Variants in TDRD7 observed in about 807,000 individuals in gnomAD.
TDRD7 encodes the protein tudor domain containing 7.
TDRD7 carries 47 observed loss-of-function variants against 109.8 expected under a neutral mutation model. The observed-to-expected ratio is 0.43, with a 90% CI of 0.34 to 0.55. The LOEUF is 0.55. Ranked by LOEUF, TDRD7 falls within the 20% of genes least tolerant of loss-of-function variation. The probability of loss-of-function intolerance (pLI) is 0.03; values close to 1 mark genes in which losing one functional copy is unlikely to be tolerated. For synonymous variants in TDRD7, 424 were observed against 457.3 expected (o/e 0.93, Z 0.93); for missense variants, 1,164 against 1,319.2 (o/e 0.88, Z 1.82).
At position 97,460,061 on chromosome 9, in the gene TDRD7, C is replaced by A. The variant is rs115129626; in HGVS notation, c.856-117C>A. On this transcript the variant is annotated intron_variant, in intron 6 of 16. Coordinates refer to ENST00000355295, the MANE Select transcript of TDRD7 (RefSeq NM_014290.3). Reference sequence around the variant, plus strand: ...GTCCTAGCAATTGAAAAGAGTAAATCGTACACTTGATTAATTTGGAAACAG... The same window carrying A: ...GTCCTAGCAATTGAAAAGAGTAAATAGTACACTTGATTAATTTGGAAACAG... 544 of 871,648 alleles carry A rather than the reference C, an allele frequency of 6.2e-4. 4 individuals carry two copies. In the African/African-American group the frequency reaches 7.9e-3, roughly 13 times the overall value. 54.0% of individuals were successfully genotyped at this position (871,648 alleles called of 1,614,324 possible).
Position 97,472,474 on chromosome 9 carries a change from G to A in TDRD7, c.1923G>A (p.Lys641=), listed in dbSNP as rs41281938. The A allele has an allele frequency of 0.032, 51,118 of 1,613,386 alleles. 1,070 individuals carry two copies. Among genetic ancestry groups the A allele is most frequent in the African/African-American group, 0.091 (6,818 of 74,950 alleles). Residue 641 remains lysine, a synonymous_variant, in exon 10 of 17, where the codon AAG becomes AAA. Coordinates refer to ENST00000355295, the MANE Select transcript of TDRD7 (RefSeq NM_014290.3). ...NATCLKAICD[K]SLEVHLQVDA... is the part of the protein sequence containing the mutation. The stretch of plus-strand genomic sequence containing the variant: ...CCTGCTTGAAGGCTATATGTGACAA[G>A]TCACTAGAGGTTCACCTGCAGGTAC...
chr9:97,473,591 C>T lies in TDRD7; in HGVS notation c.2044C>T (p.Leu682Phe). 2 of 1,613,834 alleles carry T rather than the reference C, an allele frequency of 1.2e-6. No individual in the cohort carries two copies. The highest frequency in any genetic ancestry group is 1.7e-6 in the Non-Finnish European group (2 of 1,179,796). Residue 682 changes from leucine (L) to phenylalanine (F), a missense_variant, in exon 11 of 17, where the codon CTT becomes TTT. Coordinates refer to ENST00000355295, the MANE Select transcript of TDRD7 (RefSeq NM_014290.3). ...TAAGGGTCTGAACAAGCTCAGTGACCTTCTACGTAAGATAGAGGACTACTT... is the reference window on the plus strand; with the variant it reads ...TAAGGGTCTGAACAAGCTCAGTGACTTTCTACGTAAGATAGAGGACTACTT... ...PCKGLNKLSDLLRKIEDYFHC... is the reference protein window; with the variant it reads ...PCKGLNKLSDFLRKIEDYFHC...
chr9:97,423,249 T>G (rs1298744914), intron 1 of TDRD7, among the ~76,000 whole-genome samples: 1 of 152,234 alleles, frequency 6.6e-6, no homozygotes, highest in Non-Finnish European at 1.5e-5. Context: ...TTGAGTAAGC[T>G]TTGACATTTG....
At chr9:97,461,432 G>C (rs1485855627) in intron 7 of TDRD7, among the ~76,000 whole-genome samples, 1 of 152,172 alleles carries the variant, frequency 6.6e-6, no homozygotes. Context: ...AGTAAAAATA[G>C]CTCAGAGCTG....
intron 8 of TDRD7, among the ~76,000 whole-genome samples, chr9:97,466,293 G>A (rs1304883704): frequency 6.6e-6 from 1 of 152,206 alleles, no homozygotes; most frequent in Admixed American, 6.5e-5. Context: ...ACCCTCTCCA[G>A]AAGTAAGCTC....
intron 1 of TDRD7, among the ~76,000 whole-genome samples, chr9:97,424,555 C>A (rs1030616742): frequency 3.3e-5 from 5 of 152,094 alleles, no homozygotes; most frequent in African/African-American, 9.7e-5. Context: ...TGAATTAGCC[C>A]CTTAATCATT....
intron 15 of TDRD7, among the ~76,000 whole-genome samples, chr9:97,483,678 T>A (rs1361035820): frequency 6.6e-6 from 1 of 151,932 alleles, no homozygotes; most frequent in Admixed American, 6.5e-5. Context: ...AATAAAAATA[T>A]TATGGAAAAA....
At chr9:97,494,185 A>T (rs1043593896) in intron 16 of TDRD7, among the ~76,000 whole-genome samples, 5 of 152,254 alleles carry the variant, frequency 3.3e-5, no homozygotes, top group Non-Finnish European at 7.3e-5. Flanking sequence ...AGGAGTAAGA[A>T]ATTATAAAAG....
chr9:97,429,670 CCAGA>C (rs1828066748), intron 2 of TDRD7, among the ~76,000 whole-genome samples: 1 of 152,128 alleles, frequency 6.6e-6, no homozygotes, highest in African/African-American at 2.4e-5. Flanking sequence ...CCTGATCGTT[CCAGA>C]CAGACTTAAG....
At chr9:97,443,623 G>A (rs577967850) in intron 6 of TDRD7, among the ~76,000 whole-genome samples, 2 of 152,294 alleles carry the variant, frequency 1.3e-5, no homozygotes, top group South Asian at 4.1e-4. Context: ...AGTCTCATTA[G>A]GCTGTTCAGT....
At chr9:97,419,648 G>C (rs1827866471) in intron 1 of TDRD7, among the ~76,000 whole-genome samples, 1 of 152,152 alleles carries the variant, frequency 6.6e-6, no homozygotes, top group African/African-American at 2.4e-5. Flanking sequence ...AATTTCTATT[G>C]AGTATCTCCA....
intron 12 of TDRD7, 107 bp from the exon 13 acceptor site, chr9:97,478,332 T>C: frequency 1.6e-6 from 2 of 1,218,304 alleles, no homozygotes; most frequent in Non-Finnish European, 2.4e-6. Flanking sequence ...ACACTGATAG[T>C]CTGTTCCTTT....
chr9:97,420,047 G>A (rs62557495), intron 1 of TDRD7, among the ~76,000 whole-genome samples: 11,123 of 151,954 alleles, frequency 0.073, 653 homozygotes, highest in African/African-American at 0.17. Context: ...ATAAAAACAT[G>A]TGCCTACCTA....
In TDRD7 at chr9:97,415,059, A is replaced by G. The variant is rs536870157; in HGVS notation, c.-7+2821A>G. 2.6e-5 allele frequency among the ~76,000 whole-genome samples: 4 copies of G among 152,360 alleles called. No individual in the cohort carries two copies. The South Asian group carries it at 8.3e-4, about 32-fold the overall frequency. ...TAGTTATTAGAAGTATATGCCCTAA[A>G]GAGATATCCAGATACTTCAAAATTG... On this transcript the variant is annotated intron_variant, in intron 1 of 16. Transcript: ENST00000355295.
intron 1 of TDRD7, among the ~76,000 whole-genome samples, chr9:97,427,749 T>G (rs1301078390): frequency 6.6e-6 from 1 of 152,184 alleles, no homozygotes; most frequent in African/African-American, 2.4e-5. Flanking sequence ...TAATTACCTC[T>G]CAAATTGATT....
chr9:97,420,912 C>T (rs1240674593), intron 1 of TDRD7, among the ~76,000 whole-genome samples: 1 of 152,146 alleles, frequency 6.6e-6, no homozygotes, highest in Admixed American at 6.5e-5. Flanking sequence ...GCGGGTGGAT[C>T]ACCTGAGGTC....
intron 15 of TDRD7, among the ~76,000 whole-genome samples, chr9:97,484,602 GAAA>G (rs924365219): frequency 6.6e-6 from 1 of 152,010 alleles, no homozygotes; most frequent in Non-Finnish European, 1.5e-5. Flanking sequence ...TTTCATGGGA[GAAA>G]AAAACTAATT....
At chr9:97,435,265 A>G (rs1828173750) in intron 4 of TDRD7, among the ~76,000 whole-genome samples, 1 of 152,120 alleles carries the variant, frequency 6.6e-6, no homozygotes. Context: ...AGTGAAGGAC[A>G]CATGGGACCT....
intron 6 of TDRD7, among the ~76,000 whole-genome samples, chr9:97,443,193 C>T (rs1396723084): frequency 6.6e-6 from 1 of 152,142 alleles, no homozygotes; most frequent in Non-Finnish European, 1.5e-5. Context: ...CCCATTTGCT[C>T]ATATACTATT....
Sources: gnomAD v4.1 joint callset for allele counts (sites outside exome capture counted in the v4.1 genomes callset) on GRCh38, gnomAD v4.1.1 for gene constraint, MANE v1.5 for transcripts, NCBI Gene and HGNC (gene_info 2026-07-23, HGNC 2026-07-21) for gene names.